Variants in PIK3C3 observed in about 807,000 individuals in gnomAD.
PIK3C3 encodes phosphatidylinositol 3-kinase catalytic subunit type 3.
In PIK3C3, 95 loss-of-function variants were observed where a neutral mutation model predicts 126.1. The ratio of observed to expected loss-of-function variants is 0.75; its 90% confidence interval spans 0.64 to 0.89. The LOEUF (loss-of-function observed/expected upper bound fraction) is 0.89. Ranked by LOEUF, PIK3C3 falls within the 40% of genes least tolerant of loss-of-function variation. The probability of loss-of-function intolerance (pLI) is 0.00; values close to 1 mark genes in which losing one functional copy is unlikely to be tolerated. For missense variants in PIK3C3, 829 were observed against 1,063.2 expected (o/e 0.78, Z 3.06); for synonymous variants, 374 against 360.0 (o/e 1.04, Z -0.44).
intron 24 of PIK3C3, among the ~76,000 whole-genome samples, chr18:42,076,103 TATATATATATATATATATGC>T (rs1568013437): frequency 5.0e-4 from 33 of 66,548 alleles, no homozygotes; most frequent in Admixed American, 8.1e-4. Flanking sequence ...TATATATATA[TATATATATATATATATATGC>T]GCATATATAT....
At chr18:41,976,281 C>T (rs1266402327) in intron 4 of PIK3C3, among the ~76,000 whole-genome samples, 1 of 151,884 alleles carries the variant, frequency 6.6e-6, no homozygotes, top group Non-Finnish European at 1.5e-5. Context: ...AGAGGAGCTC[C>T]CTGAGATTTT....
intron 4 of PIK3C3, among the ~76,000 whole-genome samples, chr18:41,979,825 T>C (rs1019748566): frequency 6.6e-6 from 1 of 151,726 alleles, no homozygotes; most frequent in African/African-American, 2.4e-5. Flanking sequence ...TTTTCATTGT[T>C]AAAATGTGGT....
chr18:42,042,992 G>A (rs1984392687), intron 19 of PIK3C3, among the ~76,000 whole-genome samples: 1 of 151,618 alleles, frequency 6.6e-6, no homozygotes, highest in Non-Finnish European at 1.5e-5. Context: ...CTGTCGCGTT[G>A]TTTGTATTTT....
chr18:41,963,438 T>G (rs938498524), intron 3 of PIK3C3, among the ~76,000 whole-genome samples: 2 of 152,196 alleles, frequency 1.3e-5, no homozygotes, highest in African/African-American at 4.8e-5. Context: ...AAAAATCTCA[T>G]TTTTGGTCAG....
At chr18:42,041,191 C>T (rs1444592941) in intron 19 of PIK3C3, among the ~76,000 whole-genome samples, 1 of 150,816 alleles carries the variant, frequency 6.6e-6, no homozygotes, top group Non-Finnish European at 1.5e-5. Flanking sequence ...CAAAAAAAAA[C>T]AAAAAAAACC....
chr18:41,986,947 G>A lies in PIK3C3; in HGVS notation c.532-865G>A, dbSNP rs950521174. On this transcript the variant is annotated intron_variant, in intron 4 of 24. Transcript: ENST00000262039. Reference sequence around the variant, plus strand: ...GAAGAGAAAGAAGATTGATAGTGAAGATTTTTAATTCTGCAAGAGAGATGA... The same window carrying A: ...GAAGAGAAAGAAGATTGATAGTGAAAATTTTTAATTCTGCAAGAGAGATGA... Among the ~76,000 whole-genome samples the A allele has an allele frequency of 9.9e-5, 15 of 152,150 alleles. No individual in the cohort carries two copies. In the South Asian group the frequency reaches 2.3e-3, roughly 23 times the overall value.
intron 5 of PIK3C3, among the ~76,000 whole-genome samples, chr18:41,989,347 G>A (rs1249237194): frequency 6.6e-6 from 1 of 152,092 alleles, no homozygotes; most frequent in Non-Finnish European, 1.5e-5. Context: ...TTACAAGTGT[G>A]AGCCACCATG....
At chr18:42,002,452 GA>G (rs1982333816) in intron 9 of PIK3C3, among the ~76,000 whole-genome samples, 1 of 152,132 alleles carries the variant, frequency 6.6e-6, no homozygotes, top group Non-Finnish European at 1.5e-5. Context: ...TCAAATATTG[GA>G]AAGGTTGTCC....
chr18:41,976,808 T>G (rs1006217298), intron 4 of PIK3C3, among the ~76,000 whole-genome samples: 2 of 152,224 alleles, frequency 1.3e-5, no homozygotes, highest in African/African-American at 4.8e-5. Context: ...TTGGGACTTA[T>G]GCACTACATT....
intron 4 of PIK3C3, among the ~76,000 whole-genome samples, chr18:41,982,858 G>A (rs16975482): frequency 1.3e-5 from 2 of 152,134 alleles, no homozygotes; most frequent in Admixed American, 6.6e-5. Flanking sequence ...ATTTAATGGT[G>A]TCTCAGAATT....
intron 24 of PIK3C3, among the ~76,000 whole-genome samples, chr18:42,076,125 C>CACATATAT (rs1985988220): frequency 2.1e-5 from 1 of 47,716 alleles, no homozygotes; most frequent in African/African-American, 1.8e-4. Flanking sequence ...TATATATGCG[C>CACATATAT]ATATATATAT....
intron 1 of PIK3C3, among the ~76,000 whole-genome samples, chr18:41,956,968 C>T (rs1359797905): frequency 2.6e-5 from 4 of 152,140 alleles, no homozygotes; most frequent in African/African-American, 9.7e-5. Context: ...GTATCCTGTG[C>T]ATATCTATTT....
Position 42,082,323 on chromosome 18 carries a change from T to C in PIK3C3, c.*1186T>C, listed in dbSNP as rs1986278937. On this transcript the variant is annotated 3_prime_UTR_variant, in exon 25 of 25. Coordinates refer to ENST00000262039, the MANE Select transcript of PIK3C3 (RefSeq NM_002647.4). ...GCCGTTAATGATAACGTGTTATTTG[T>C]CTCAAATTCTTAGCCCTGGGCTTGC... The C allele has an allele frequency of 6.6e-6, 1 of 152,168 alleles. No homozygotes were observed. Among genetic ancestry groups the C allele is most frequent in the African/African-American group, 2.4e-5 (1 of 41,422 alleles). 9.4% of individuals were successfully genotyped at this position (152,168 alleles called of 1,614,324 possible).
Position 42,015,559 on chromosome 18 carries a change from A to G in PIK3C3, c.1409A>G (p.Asn470Ser), listed in dbSNP as rs768781667. 3.1e-6 allele frequency: 5 copies of G among 1,612,524 alleles called. No individual in the cohort carries two copies. Among genetic ancestry groups the G allele is most frequent in the Non-Finnish European group, 8.5e-7 (1 of 1,178,732 alleles). ...ACAAAAGAAGTTCCAGATGGCGAAA[A>G]TCTGGAAGTGAGTACAAAGCTTTTC... ...SKTKEVPDGE[N>S]LEQDLCTFLI... Residue 470 changes from asparagine to serine, a missense_variant, in exon 12 of 25, where the codon AAT (asparagine) becomes AGT (serine). This residue lies in a region of PIK3C3 where 256 missense variants were observed against 291.0 expected (regional missense o/e 0.88). Coordinates refer to ENST00000262039, the MANE Select transcript of PIK3C3 (RefSeq NM_002647.4).
chr18:42,018,479 C>G (rs948270780), intron 12 of PIK3C3, among the ~76,000 whole-genome samples: 1 of 152,052 alleles, frequency 6.6e-6, no homozygotes, highest in African/African-American at 2.4e-5. Flanking sequence ...CTCATGGACT[C>G]AGCTTTATAT....
At chr18:42,043,184 T>C (rs1190842569) in intron 19 of PIK3C3, among the ~76,000 whole-genome samples, 1 of 151,734 alleles carries the variant, frequency 6.6e-6, no homozygotes. Flanking sequence ...CTGCAACCTG[T>C]ACCTCCCAGG....
chr18:42,015,356 A>G (rs762697441), intron 11 of PIK3C3, 120 bp from the exon 12 acceptor site: 5 of 720,924 alleles, frequency 6.9e-6, no homozygotes, highest in Non-Finnish European at 1.2e-5. Flanking sequence ...CACAGAACAC[A>G]CTTTAGGAAG....
chr18:42,062,057 A>C (rs1985338470), intron 22 of PIK3C3, among the ~76,000 whole-genome samples: 1 of 152,134 alleles, frequency 6.6e-6, no homozygotes, highest in South Asian at 2.1e-4. Flanking sequence ...AAAAGCTACC[A>C]AGGTGAATCT....
At chr18:41,980,305 A>C (rs1164053710) in intron 4 of PIK3C3, among the ~76,000 whole-genome samples, 1 of 152,146 alleles carries the variant, frequency 6.6e-6, no homozygotes, top group East Asian at 1.9e-4. Flanking sequence ...CCATAGCTGA[A>C]TCACTTAATG....
Sources: gnomAD v4.1 joint callset for allele counts (sites outside exome capture counted in the v4.1 genomes callset) on GRCh38, gnomAD v4.1.1 for gene constraint, gnomAD v4.1.1 regional missense constraint, MANE v1.5 for transcripts, NCBI Gene and HGNC (gene_info 2026-07-23, HGNC 2026-07-21) for gene names.